SLC39A9: variants seen among roughly 807,000 people sequenced by gnomAD.
The protein encoded by SLC39A9 is solute carrier family 39 member 9.
SLC39A9 carries 14 observed loss-of-function variants against 28.4 expected under a neutral mutation model. The observed-to-expected ratio is 0.49, with a 90% CI of 0.33 to 0.77. The LOEUF is 0.77. SLC39A9 is among the 30% of genes least tolerant of loss of function. The pLI is 0.02. For synonymous variants in SLC39A9, 119 were observed against 149.6 expected, an observed-to-expected ratio of 0.80 and a Z score of 1.49; for missense variants, 283 against 381.1, an observed-to-expected ratio of 0.74 and a Z score of 2.14.
intron 2 of SLC39A9, among the ~76,000 whole-genome samples, chr14:69,438,965 A>G (rs931968484): frequency 1.3e-5 from 2 of 152,248 alleles, no homozygotes; most frequent in Non-Finnish European, 2.9e-5. Context: ...GATAGAAGGC[A>G]TTCACATTGG....
At chr14:69,453,351 A>T in intron 4 of SLC39A9, 42 bp downstream of exon 4, 1 of 1,561,230 alleles carries the variant, frequency 6.4e-7, no homozygotes, top group Non-Finnish European at 8.8e-7. Flanking sequence ...TTTCTATCGC[A>T]CAGGGGAGAC....
intron 2 of SLC39A9, among the ~76,000 whole-genome samples, chr14:69,435,594 A>G (rs1594932747): frequency 6.6e-6 from 1 of 152,186 alleles, no homozygotes; most frequent in East Asian, 1.9e-4. Flanking sequence ...TTTGTGAGCC[A>G]CGTGATCTTA....
intron 1 of SLC39A9, among the ~76,000 whole-genome samples, chr14:69,406,519 C>T (rs193083837): frequency 6.6e-6 from 1 of 152,084 alleles, no homozygotes; most frequent in East Asian, 1.9e-4. Context: ...TCCCCTTCAG[C>T]TCAGTATGGA....
chr14:69,411,151 G>A (rs900975453), intron 1 of SLC39A9, among the ~76,000 whole-genome samples: 2 of 146,288 alleles, frequency 1.4e-5, no homozygotes, highest in East Asian at 2.0e-4. Context: ...GGTAGAGGTC[G>A]CAGTAAGCCA....
intron 1 of SLC39A9, among the ~76,000 whole-genome samples, chr14:69,414,202 C>G (rs943055165): frequency 6.6e-6 from 1 of 152,174 alleles, no homozygotes; most frequent in African/African-American, 2.4e-5. Flanking sequence ...TGTGCACCAT[C>G]ATACTCGGCT....
At chr14:69,451,168 A>G (rs1177347775) in intron 3 of SLC39A9, among the ~76,000 whole-genome samples, 1 of 152,256 alleles carries the variant, frequency 6.6e-6, no homozygotes, top group Non-Finnish European at 1.5e-5. Context: ...TTGCTGGCGC[A>G]GAGTGATTAG....
At position 69,442,211 on chromosome 14, in the gene SLC39A9, C is replaced by T. The variant is rs746432242; in HGVS notation, c.348C>T (p.Phe116=). 13 of 1,614,040 alleles carry T rather than the reference C, an allele frequency of 8.1e-6. No homozygotes were observed. The highest frequency in any genetic ancestry group is 1.6e-4 in the Middle Eastern group (1 of 6,084). The change falls in exon 3 of 7, where the codon TTC becomes TTT. Residue 116 remains phenylalanine, a synonymous_variant. Transcript: ENST00000336643. ...TTGGTGTTTCCCTCGTTCTGGGCTT[C>T]GTTTTCATGTTGCTGGTGGACCAGA... ...AYIGVSLVLG[F]VFMLLVDQIG...
At chr14:69,445,532 G>T (rs1020423981) in intron 3 of SLC39A9, among the ~76,000 whole-genome samples, 1 of 152,116 alleles carries the variant, frequency 6.6e-6, no homozygotes, top group Non-Finnish European at 1.5e-5. Context: ...TCAACAGTAG[G>T]CTATTAGTGG....
Position 69,459,198 on chromosome 14 carries a change from T to G in SLC39A9, c.*605T>G. The G allele has an allele frequency of 1.0e-6, 1 of 985,544 alleles. No homozygotes were observed. Among genetic ancestry groups the G allele is most frequent in the Non-Finnish European group, 1.2e-6 (1 of 830,004 alleles). The allele number at this position is 985,544 out of a possible 1,614,324, so 61.0% of individuals were successfully genotyped here. A position where few individuals can be genotyped will look rare whatever the true frequency, so the allele number is the denominator to read the frequency against. On this transcript the variant is annotated 3_prime_UTR_variant, in exon 7 of 7. Coordinates refer to ENST00000336643, the MANE Select transcript of SLC39A9 (RefSeq NM_018375.5). The stretch of plus-strand genomic sequence containing the variant: ...CTTTATACTCAAAAGAGATATCCAT[T>G]GAAAAGGGATGTCTAGAGGGATTTA...
chr14:69,441,897 T>C, intron 2 of SLC39A9, 172 bp from the exon 3 acceptor site: 1 of 1,391,538 alleles, frequency 7.2e-7, no homozygotes, highest in Non-Finnish European at 9.3e-7. Context: ...GGGAATTTTT[T>C]CATCATGAAC....
chr14:69,453,184 G>A (rs960786990), intron 3 of SLC39A9, 57 bp from the exon 4 acceptor site: 2 of 1,480,348 alleles, frequency 1.4e-6, no homozygotes, highest in African/African-American at 2.8e-5. Flanking sequence ...CCAGACCAAT[G>A]TTTGAACAGT....
At chr14:69,421,463 C>T (rs867780360) in intron 1 of SLC39A9, among the ~76,000 whole-genome samples, 2 of 152,224 alleles carry the variant, frequency 1.3e-5, no homozygotes, top group South Asian at 4.1e-4. Context: ...GAGTCAGAGA[C>T]CCACTTGAGG....
rs1045301 is a variant in SLC39A9 at position 69,461,590 on chromosome 14, G to A, written c.*2997G>A. ...AATCATTAGAGAAAAGAAAGGGAGT[G>A]GCTGTTTTGAGTTGTCCTTTCTTTG... is the stretch of plus-strand genomic sequence containing the variant. On this transcript the variant is annotated 3_prime_UTR_variant, in exon 7 of 7. Coordinates refer to ENST00000336643, the MANE Select transcript of SLC39A9 (RefSeq NM_018375.5). 4.0e-6 allele frequency: 6 copies of A among 1,513,432 alleles called. No homozygotes were observed. The highest frequency in any genetic ancestry group is 1.4e-5 in the African/African-American group (1 of 71,916). 93.8% of individuals were successfully genotyped at this position (1,513,432 alleles called of 1,614,324 possible).
At chr14:69,421,840 G>A (rs1220946339) in intron 1 of SLC39A9, among the ~76,000 whole-genome samples, 4 of 152,186 alleles carry the variant, frequency 2.6e-5, no homozygotes, top group Admixed American at 6.5e-5. Context: ...CTGGTGTGCC[G>A]TTTGTTAAGA....
chr14:69,440,358 C>T (rs926295439), intron 2 of SLC39A9, among the ~76,000 whole-genome samples: 1 of 151,840 alleles, frequency 6.6e-6, no homozygotes, highest in Admixed American at 6.6e-5. Flanking sequence ...TCAAGGTGGG[C>T]GGATCACTTG....
intron 5 of SLC39A9, 61 bp downstream of exon 5, chr14:69,454,958 G>T: frequency 1.6e-6 from 2 of 1,243,748 alleles, no homozygotes; most frequent in East Asian, 2.4e-5. Context: ...AATTTCTCAT[G>T]GTCCTTAATG....
rs1377581483 is a variant in SLC39A9, at chr14:69,421,440, T to A, written c.97-2654T>A. On this transcript the variant is annotated intron_variant, in intron 1 of 6. Transcript: ENST00000336643. ...GCACCTACCGGGAGGTATCTCCCAC[T>A]TAGGCTACACAGGAGTCAGAGACCC... Among the ~76,000 whole-genome samples, 3 of 152,226 alleles carry A rather than the reference T, an allele frequency of 2.0e-5. No individual in the cohort carries two copies. In the East Asian group the frequency reaches 5.8e-4, roughly 29 times the overall value.
chr14:69,434,516 T>C (rs76749748), intron 2 of SLC39A9, among the ~76,000 whole-genome samples: 2,252 of 152,178 alleles, frequency 0.015, 53 homozygotes, highest in African/African-American at 0.051. Context: ...GAAGACCCTG[T>C]ATTTACAAAA....
intron 5 of SLC39A9, 113 bp from the exon 6 acceptor site, chr14:69,455,619 C>G (rs1054998022): frequency 6.9e-7 from 1 of 1,449,252 alleles, no homozygotes. Flanking sequence ...TGTGCCTGGC[C>G]TTTTGTGAGT....
Sources: allele counts gnomAD v4.1 joint callset (sites outside exome capture counted in the v4.1 genomes callset), GRCh38; gene constraint gnomAD v4.1.1; transcripts MANE v1.5; gene names NCBI Gene and HGNC (gene_info 2026-07-23, HGNC 2026-07-21).